LAMA2: variants seen among roughly 807,000 people sequenced by gnomAD.
LAMA2 encodes laminin subunit alpha 2.
Under a neutral mutation model 364.8 loss-of-function variants are expected in LAMA2, and 269 were observed. The observed-to-expected ratio is 0.74, with a 90% CI of 0.67 to 0.82. The LOEUF (loss-of-function observed/expected upper bound fraction) is 0.82, where lower values mean the gene tolerates loss of function less well. Among genes scored for constraint, LAMA2 ranks in the 40% least tolerant of loss-of-function variants. The pLI is 0.00. For synonymous variants in LAMA2, 1,379 were observed against 1,370.6 expected, an observed-to-expected ratio of 1.01 and a Z score of -0.14; for missense variants, 3,807 against 3,873.2, an observed-to-expected ratio of 0.98 and a Z score of 0.45.
rs141000104 is a variant in LAMA2 at position 129,328,280 on chromosome 6, A to T, written c.4179A>T (p.Ala1393=). Residue 1393 remains alanine (A), a splice_region_variant and synonymous_variant, in exon 29 of 65, where the codon GCA becomes GCT. Transcript: ENST00000421865. ...TAATTGGCTTCCTTTTCTTTCAGGCATGCTTGCCGGGATTTTATCGACTGC... is the reference window on the plus strand; with the variant it reads ...TAATTGGCTTCCTTTTCTTTCAGGCTTGCTTGCCGGGATTTTATCGACTGC... The part of the protein sequence containing the change: ...PLGYSGLSCE[A]CLPGFYRLRS... The T allele has an allele frequency of 6.2e-7, 1 of 1,614,132 alleles. No individual in the cohort carries two copies. Among genetic ancestry groups the T allele is most frequent in the South Asian group, 1.1e-5 (1 of 91,088 alleles).
Position 129,514,565 on chromosome 6 carries a change from A to G in LAMA2, c.9181A>G (p.Asn3061Asp). ...PNPASTSADT[N>D]DPVFVGGFPD... ...CCCAGCATCTACATCAGCTGACACA[A>G]ATGACCCTGTGTTTGTTGGAGGCTT... Residue 3061 changes from asparagine (N) to aspartate (D), a missense_variant, in exon 64 of 65, where the codon AAT becomes GAT. This residue lies in a region of LAMA2 where 3,333 missense variants were observed against 3,345.7 expected (regional missense o/e 1.00). Coordinates refer to ENST00000421865, the MANE Select transcript of LAMA2 (RefSeq NM_000426.4). The G allele has an allele frequency of 6.2e-7, 1 of 1,614,078 alleles. No homozygotes were observed.
rs9402130 is a variant in LAMA2, at chr6:129,427,358, G to A, written c.5866-394G>A. On this transcript the variant is annotated intron_variant, in intron 40 of 64. Transcript: ENST00000421865. ...TTAGTTCTTAATTTGCTTGACTTCT[G>A]TAGCACGTCATAATGCTGCTCAGTT... 0.015 allele frequency among the ~76,000 whole-genome samples: 2,243 copies of A among 152,230 alleles called. 112 individuals are homozygous for A. In the East Asian group the frequency reaches 0.19, roughly 13 times the overall value.
chr6:129,228,131 G>T (rs560129164), intron 12 of LAMA2, among the ~76,000 whole-genome samples: 51 of 152,310 alleles, frequency 3.3e-4, no homozygotes, highest in East Asian at 7.7e-4. Flanking sequence ...CTCCGAGCCA[G>T]GTGTGGGATA....
chr6:129,172,491 G>A (rs561892084), intron 9 of LAMA2, among the ~76,000 whole-genome samples: 1 of 152,212 alleles, frequency 6.6e-6, no homozygotes, highest in Non-Finnish European at 1.5e-5. Context: ...CTGCTCAGGG[G>A]TCAGGGGTCA....
intron 9 of LAMA2, among the ~76,000 whole-genome samples, chr6:129,169,089 C>A (rs1779959607): frequency 6.6e-6 from 1 of 152,120 alleles, no homozygotes; most frequent in African/African-American, 2.4e-5. Flanking sequence ...TCTAGATATA[C>A]AATCATGTCG....
chr6:129,074,044 T>C (rs1220264855), intron 3 of LAMA2, among the ~76,000 whole-genome samples: 2 of 152,206 alleles, frequency 1.3e-5, no homozygotes, highest in Non-Finnish European at 2.9e-5. Flanking sequence ...GTAGCTTAGT[T>C]AGAGATTCTG....
At chr6:129,180,325 ATAAG>A (rs1372746050) in intron 10 of LAMA2, among the ~76,000 whole-genome samples, 7 of 152,306 alleles carry the variant, frequency 4.6e-5, no homozygotes, top group African/African-American at 1.7e-4. Context: ...GTAACTTTAA[ATAAG>A]TATTTATCTG....
At chr6:129,230,079 C>T (rs780385725) in intron 12 of LAMA2, among the ~76,000 whole-genome samples, 6 of 151,968 alleles carry the variant, frequency 3.9e-5, no homozygotes, top group Admixed American at 6.6e-5. Context: ...AAATGAATAA[C>T]GAGACAAAAT....
rs777888228 is a variant in LAMA2, at chr6:129,512,467, A to T, written c.8962A>T (p.Met2988Leu). The T allele has an allele frequency of 1.2e-6, 2 of 1,613,470 alleles. No homozygotes were observed. The highest frequency in any genetic ancestry group is 2.7e-5 in the African/African-American group (2 of 74,910). ...GATCAGTAGTCAAAAAATGGATGGAATGGGTATTGAAATGATTGATGAAAA... is the reference window on the plus strand; with the variant it reads ...GATCAGTAGTCAAAAAATGGATGGATTGGGTATTGAAATGATTGATGAAAA... ...LGISSQKMDGMGIEMIDEKLM... is the reference protein window; with the variant it reads ...LGISSQKMDGLGIEMIDEKLM... The change falls in exon 63 of 65, where the codon ATG becomes TTG. Residue 2988 changes from methionine to leucine, a missense_variant. Met to Leu is a conservative substitution (Grantham distance 15, BLOSUM62 2). Transcript: ENST00000421865.
At chr6:129,178,973 C>G (rs986136936) in intron 10 of LAMA2, among the ~76,000 whole-genome samples, 2 of 152,108 alleles carry the variant, frequency 1.3e-5, no homozygotes, top group African/African-American at 4.8e-5. Flanking sequence ...CCTGTGGACA[C>G]AGTAAGCAGA....
At chr6:128,954,012 C>T (rs904810937) in intron 1 of LAMA2, among the ~76,000 whole-genome samples, 1 of 152,066 alleles carries the variant, frequency 6.6e-6, no homozygotes, top group Admixed American at 6.6e-5. Flanking sequence ...TGCTAAATTT[C>T]ATTTCATCTC....
At chr6:129,287,505 C>G (rs1339829839) in intron 18 of LAMA2, among the ~76,000 whole-genome samples, 1 of 152,116 alleles carries the variant, frequency 6.6e-6, no homozygotes, top group Non-Finnish European at 1.5e-5. Flanking sequence ...GGAGTAGAGA[C>G]ATATGATGTG....
intron 4 of LAMA2, among the ~76,000 whole-genome samples, chr6:129,101,832 A>G (rs1775537591): frequency 6.6e-6 from 1 of 152,212 alleles, no homozygotes; most frequent in Non-Finnish European, 1.5e-5. Context: ...AAAACTGTTC[A>G]GTCATTACCT....
chr6:129,273,658 AAAAG>A (rs1162984558), intron 17 of LAMA2, among the ~76,000 whole-genome samples: 1 of 152,118 alleles, frequency 6.6e-6, no homozygotes, highest in Non-Finnish European at 1.5e-5. Flanking sequence ...TTGTTCCTGA[AAAAG>A]AAAGAAAGTC....
intron 2 of LAMA2, among the ~76,000 whole-genome samples, chr6:129,052,130 T>C (rs1343159507): frequency 1.4e-4 from 21 of 147,274 alleles, no homozygotes; most frequent in African/African-American, 5.3e-4. Context: ...TTAGTATTTC[T>C]TCTCCTTTTT....
At chr6:128,922,692 T>C (rs1289950490) in intron 1 of LAMA2, among the ~76,000 whole-genome samples, 190 of 151,606 alleles carry the variant, frequency 1.3e-3, no homozygotes, top group African/African-American at 4.1e-3. Flanking sequence ...TCTTTTGCTG[T>C]GCAGAAGCTC....
intron 53 of LAMA2, among the ~76,000 whole-genome samples, chr6:129,477,565 A>T (rs1784129811): frequency 6.6e-6 from 1 of 152,200 alleles, no homozygotes; most frequent in Admixed American, 6.5e-5. Flanking sequence ...AAGGGCAAGG[A>T]CTTCATTTCC....
intron 1 of LAMA2, among the ~76,000 whole-genome samples, chr6:128,976,092 G>A (rs1188704323): frequency 1.3e-5 from 2 of 152,162 alleles, no homozygotes; most frequent in Admixed American, 1.3e-4. Context: ...TAGGATAATG[G>A]CCTGAACTAA....
intron 1 of LAMA2, among the ~76,000 whole-genome samples, chr6:129,015,585 A>G (rs1785018392): frequency 6.6e-6 from 1 of 152,040 alleles, no homozygotes; most frequent in East Asian, 1.9e-4. Context: ...GTACTCTAAC[A>G]CTAGAATTTT....
Sources: allele counts gnomAD v4.1 joint callset (sites outside exome capture counted in the v4.1 genomes callset), GRCh38; gene constraint gnomAD v4.1.1; regional missense constraint gnomAD v4.1.1; transcripts MANE v1.5; gene names NCBI Gene and HGNC (gene_info 2026-07-23, HGNC 2026-07-21).